PABPC4L: variants seen among roughly 807,000 people sequenced by gnomAD.
The protein encoded by PABPC4L is poly(A) binding protein cytoplasmic 4 like.
For synonymous variants in PABPC4L, 169 were observed against 164.1 expected (o/e 1.03, Z -0.23); for missense variants, 452 against 451.4 (o/e 1.00, Z -0.01).
the PABPC4L span, among the ~76,000 whole-genome samples, chr4:134,129,557 A>G: frequency 6.6e-6 from 1 of 152,022 alleles, no homozygotes; most frequent in Non-Finnish European, 1.5e-5. Flanking sequence ...AAATAAAATA[A>G]CTTGCTTCTG....
At chr4:134,143,143 TA>T in the PABPC4L span, among the ~76,000 whole-genome samples, 4 of 151,342 alleles carry the variant, frequency 2.6e-5, no homozygotes, top group Non-Finnish European at 4.4e-5. Flanking sequence ...ATATATATTA[TA>T]AAACCTCAGA....
the PABPC4L span, among the ~76,000 whole-genome samples, chr4:134,116,608 T>C: frequency 6.6e-6 from 1 of 151,838 alleles, no homozygotes; most frequent in African/African-American, 2.4e-5. Context: ...ATGCTCCTAA[T>C]ATGGCTATTT....
chr4:134,012,302 C>T, the PABPC4L span, among the ~76,000 whole-genome samples: 1 of 152,148 alleles, frequency 6.6e-6, no homozygotes, highest in Non-Finnish European at 1.5e-5. Flanking sequence ...TAACTGATGA[C>T]ATTCCACCAC....
chr4:134,098,931 C>G, the PABPC4L span, among the ~76,000 whole-genome samples: 10 of 151,568 alleles, frequency 6.6e-5, no homozygotes, highest in Non-Finnish European at 8.9e-5. Context: ...GAGTTCAGTA[C>G]GTGGAGCTTT....
chr4:134,132,257 A>C, the PABPC4L span, among the ~76,000 whole-genome samples: 7 of 152,070 alleles, frequency 4.6e-5, no homozygotes, highest in African/African-American at 1.2e-4. Flanking sequence ...CAAAAGAAAC[A>C]ATCAACAGAG....
At chr4:134,050,838 A>T in the PABPC4L span, among the ~76,000 whole-genome samples, 1 of 151,402 alleles carries the variant, frequency 6.6e-6, no homozygotes, top group Non-Finnish European at 1.5e-5. Flanking sequence ...AAAATCACAG[A>T]CGTGGCCCGA....
At chr4:134,153,807 C>T in the PABPC4L span, among the ~76,000 whole-genome samples, 3 of 137,790 alleles carry the variant, frequency 2.2e-5, no homozygotes, top group South Asian at 6.9e-4. Flanking sequence ...GCCCCTATGC[C>T]TAGTTTTTTT....
chr4:134,125,094 G>T, the PABPC4L span, among the ~76,000 whole-genome samples: 2 of 152,034 alleles, frequency 1.3e-5, no homozygotes, highest in Non-Finnish European at 2.9e-5. Flanking sequence ...TCCTGAGCAA[G>T]AAATAGAGTT....
chr4:133,952,044 A>T, the PABPC4L span, among the ~76,000 whole-genome samples: 941 of 152,250 alleles, frequency 6.2e-3, 14 homozygotes, highest in African/African-American at 0.021. Context: ...GAGGCTCACA[A>T]TCCCCTTTCC....
At chr4:134,096,557 T>G in the PABPC4L span, among the ~76,000 whole-genome samples, 1 of 151,928 alleles carries the variant, frequency 6.6e-6, no homozygotes, top group Non-Finnish European at 1.5e-5. Flanking sequence ...TATTGCATAT[T>G]TACAATGGCT....
chr4:134,145,350 T>C, the PABPC4L span, among the ~76,000 whole-genome samples: 1 of 151,866 alleles, frequency 6.6e-6, no homozygotes, highest in Non-Finnish European at 1.5e-5. Flanking sequence ...AAATAAAAAC[T>C]ATGAGAAATC....
the PABPC4L span, among the ~76,000 whole-genome samples, chr4:134,105,083 A>G: frequency 0.25 from 37,488 of 151,662 alleles, 4,971 homozygotes; most frequent in Admixed American, 0.28. Flanking sequence ...CAACTATGTG[A>G]TTAAGTGTGT....
At chr4:133,952,106 T>TC in the PABPC4L span, among the ~76,000 whole-genome samples, 4 of 152,104 alleles carry the variant, frequency 2.6e-5, no homozygotes, top group African/African-American at 9.7e-5. Context: ...GGCCCTTCTT[T>TC]CCCCCGAAAT....
the PABPC4L span, among the ~76,000 whole-genome samples, chr4:134,131,022 A>G: frequency 6.6e-6 from 1 of 152,130 alleles, no homozygotes. Context: ...CAGCAAAATC[A>G]ACATAGAAGG....
At chr4:134,107,705 A>G in the PABPC4L span, among the ~76,000 whole-genome samples, 1 of 151,686 alleles carries the variant, frequency 6.6e-6, no homozygotes. Context: ...AGATTGGTTT[A>G]TAAACAGCAT....
the PABPC4L span, among the ~76,000 whole-genome samples, chr4:134,124,372 C>T: frequency 6.6e-6 from 1 of 152,022 alleles, no homozygotes; most frequent in African/African-American, 2.4e-5. Context: ...ACCCACCACC[C>T]TCACTTACCA....
chr4:134,107,322 T>A, the PABPC4L span, among the ~76,000 whole-genome samples: 13 of 151,674 alleles, frequency 8.6e-5, no homozygotes, highest in African/African-American at 2.9e-4. Flanking sequence ...AATATTTTAA[T>A]ATTTTCTTCA....
At chr4:134,047,171 G>A in the PABPC4L span, among the ~76,000 whole-genome samples, 2 of 152,302 alleles carry the variant, frequency 1.3e-5, no homozygotes, top group East Asian at 1.9e-4. Flanking sequence ...TGATTGAACA[G>A]TTAGCTTATG....
the PABPC4L span, among the ~76,000 whole-genome samples, chr4:134,012,748 G>A: frequency 3.9e-5 from 6 of 152,046 alleles, no homozygotes; most frequent in East Asian, 3.9e-4. Context: ...CCCAAGAAAC[G>A]TCTCACCAAT....
Sources: allele counts gnomAD v4.1 joint callset (sites outside exome capture counted in the v4.1 genomes callset), GRCh38; gene constraint gnomAD v4.1.1; transcripts MANE v1.5; gene names NCBI Gene and HGNC (gene_info 2026-07-23, HGNC 2026-07-21).